TCEANC2: variants seen among roughly 807,000 people sequenced by gnomAD.
TCEANC2 encodes the protein transcription elongation factor A N-terminal and central domain-containing protein 2.
In TCEANC2, 20 loss-of-function variants were observed where a neutral mutation model predicts 22.8. The ratio of observed to expected loss-of-function variants is 0.88; its 90% CI spans 0.62 to 1.28. TCEANC2 has a LOEUF of 1.28. Among genes scored for constraint, TCEANC2 ranks in the 50% most tolerant of loss-of-function variants. TCEANC2 has a pLI of 0.00. For missense variants in TCEANC2, 251 were observed against 249.7 expected (o/e 1.01, Z -0.03); for synonymous variants, 84 against 95.5 (o/e 0.88, Z 0.70).
chr1:54,062,634 G>A (rs1026144775), intron 2 of TCEANC2, among the ~76,000 whole-genome samples: 4 of 152,198 alleles, frequency 2.6e-5, no homozygotes, highest in Admixed American at 1.3e-4. Flanking sequence ...AAGTTGCAGA[G>A]GGACGCAAAG....
intron 3 of TCEANC2, among the ~76,000 whole-genome samples, chr1:54,080,350 A>G (rs1219988524): frequency 6.6e-6 from 1 of 151,840 alleles, no homozygotes; most frequent in African/African-American, 2.4e-5. Flanking sequence ...CACCATGTTG[A>G]CCAGGCTGTT....
Position 54,099,733 on chromosome 1 carries a change from G to A in TCEANC2, c.*3260G>A, listed in dbSNP as rs994573806. 7.4e-6 allele frequency: 1 copy of A among 134,484 alleles called. No individual in the cohort carries two copies. Among genetic ancestry groups the A allele is most frequent in the East Asian group, 2.1e-4 (1 of 4,712 alleles). 8.3% of individuals were successfully genotyped at this position (134,484 alleles called of 1,614,324 possible). A position where few individuals can be genotyped will look rare whatever the true frequency, so the allele number is the denominator to read the frequency against. On this transcript the variant is annotated 3_prime_UTR_variant, in exon 5 of 5. Transcript: ENST00000234827. ...CACTCCAGCCTGGGCAACAGAGTGA[G>A]ACTCTGTCTCAAAAAAAAAAAAAAA...
chr1:54,077,541 A>T (rs1658165004), intron 3 of TCEANC2, among the ~76,000 whole-genome samples: 1 of 152,168 alleles, frequency 6.6e-6, no homozygotes, highest in South Asian at 2.1e-4. Flanking sequence ...AATGACACTG[A>T]ACTGGTTGCC....
intron 3 of TCEANC2, among the ~76,000 whole-genome samples, chr1:54,082,011 T>C (rs1278434656): frequency 6.6e-6 from 1 of 152,182 alleles, no homozygotes; most frequent in African/African-American, 2.4e-5. Flanking sequence ...CAGTCCCTAA[T>C]AACAGAGAAG....
chr1:54,069,900 A>G (rs1255467524), intron 3 of TCEANC2, among the ~76,000 whole-genome samples: 3 of 152,210 alleles, frequency 2.0e-5, no homozygotes, highest in African/African-American at 4.8e-5. Context: ...GGGAGGGCCA[A>G]CATGTGTTAC....
intron 2 of TCEANC2, among the ~76,000 whole-genome samples, chr1:54,066,820 A>G (rs1657966936): frequency 6.6e-6 from 1 of 152,228 alleles, no homozygotes; most frequent in Non-Finnish European, 1.5e-5. Flanking sequence ...TTATATTGTA[A>G]CAGATCATAG....
At chr1:54,090,103 T>G (rs1395934537) in intron 4 of TCEANC2, 1 of 574,652 alleles carries the variant, frequency 1.7e-6, no homozygotes, top group East Asian at 3.5e-5. Context: ...CAGTAATCAT[T>G]CCAGCTGGTG....
At chr1:54,110,616 AC>A (rs1658824470), downstream of TCEANC2, among the ~76,000 whole-genome samples, 1 of 152,068 alleles carries the variant, frequency 6.6e-6, no homozygotes, top group African/African-American at 2.4e-5. Flanking sequence ...ACAAAACAAA[AC>A]AAAACAAAAC....
In TCEANC2 at chr1:54,096,107, G is replaced by C. The variant is rs79883481; in HGVS notation, c.439-178G>C. On this transcript the variant is annotated intron_variant, in intron 4 of 4. Coordinates refer to ENST00000234827, the MANE Select transcript of TCEANC2 (RefSeq NM_153035.3). This position sits in a 1 kb window ranked among gnomAD's most constrained non-coding sequence, Gnocchi z 4.9. ...TCCCTGTCACAAAGCACATGGCCTT[G>C]TTCCTTAATTGCCAGGGTGGAATTA... Among the ~76,000 whole-genome samples the C allele has an allele frequency of 0.012, 1,902 of 152,254 alleles. 33 individuals are homozygous for C. The highest frequency in any genetic ancestry group is 0.044 in the African/African-American group (1,811 of 41,566).
intron 4 of TCEANC2, among the ~76,000 whole-genome samples, chr1:54,095,783 C>T (rs901684034): frequency 1.3e-5 from 2 of 152,134 alleles, no homozygotes; most frequent in Non-Finnish European, 2.9e-5. Flanking sequence ...TGAACCTTTG[C>T]CTTTGAACCT....
intron 3 of TCEANC2, among the ~76,000 whole-genome samples, chr1:54,073,493 A>G (rs1658094756): frequency 6.6e-6 from 1 of 152,112 alleles, no homozygotes; most frequent in Non-Finnish European, 1.5e-5. Context: ...AGCCCTTAGG[A>G]TAACCCCACC....
At position 54,102,193 on chromosome 1, in the gene TCEANC2, G is replaced by A. The variant is rs1658674218; in HGVS notation, c.*5720G>A. 6.6e-6 allele frequency: 1 copy of A among 152,222 alleles called. No individual in the cohort carries two copies. The highest frequency in any genetic ancestry group is 2.4e-5 in the African/African-American group (1 of 41,452). The allele number at this position is 152,222 out of a possible 1,614,324, so 9.4% of individuals were successfully genotyped here. A position where few individuals can be genotyped will look rare whatever the true frequency, so the allele number is the denominator to read the frequency against. On this transcript the variant is annotated 3_prime_UTR_variant, in exon 5 of 5. Coordinates refer to ENST00000234827, the MANE Select transcript of TCEANC2 (RefSeq NM_153035.3). ...TTGATTGGGGCCCAGAGCAGGAAAG[G>A]GCTCAGCAGAAGCTCCAGGCTACAA...
At chr1:54,091,993 C>T (rs929464761) in intron 4 of TCEANC2, among the ~76,000 whole-genome samples, 13 of 152,346 alleles carry the variant, frequency 8.5e-5, no homozygotes, top group African/African-American at 2.9e-4. Context: ...GTCAGGGGTA[C>T]GTCCCCATAT....
At chr1:54,086,045 A>G (rs1658333818) in intron 3 of TCEANC2, among the ~76,000 whole-genome samples, 1 of 152,118 alleles carries the variant, frequency 6.6e-6, no homozygotes, top group African/African-American at 2.4e-5. Flanking sequence ...ACTACTTTCT[A>G]TATTGGCATT....
chr1:54,064,107 G>A (rs962815677), intron 2 of TCEANC2, among the ~76,000 whole-genome samples: 8 of 152,164 alleles, frequency 5.3e-5, no homozygotes, highest in African/African-American at 1.9e-4. Flanking sequence ...AGAATCCCCT[G>A]TAAGGATAAA....
At chr1:54,055,207 C>T (rs983960407) in intron 2 of TCEANC2, among the ~76,000 whole-genome samples, 1 of 152,114 alleles carries the variant, frequency 6.6e-6, no homozygotes, top group Non-Finnish European at 1.5e-5. Context: ...CAAAATGATC[C>T]ACCCGCCTCT....
chr1:54,061,433 G>C (rs1422486331), intron 2 of TCEANC2, among the ~76,000 whole-genome samples: 1 of 152,196 alleles, frequency 6.6e-6, no homozygotes, highest in East Asian at 1.9e-4. Flanking sequence ...TATGGAAAAG[G>C]AGGGGCTTGT....
chr1:54,104,409 C>T lies in TCEANC2; in HGVS notation c.*7936C>T. On this transcript the variant is annotated 3_prime_UTR_variant, in exon 5 of 5. Coordinates refer to ENST00000234827, the MANE Select transcript of TCEANC2 (RefSeq NM_153035.3). Reference sequence around the variant, plus strand: ...GAGACTACTAGGCAAGAACAGTCACCATTCTTTGAGGGATAATTAATCCTG... The same window carrying T: ...GAGACTACTAGGCAAGAACAGTCACTATTCTTTGAGGGATAATTAATCCTG... 1 of 311,074 alleles carries T rather than the reference C, an allele frequency of 3.2e-6. No homozygotes were observed. The highest frequency in any genetic ancestry group is 6.5e-6 in the Non-Finnish European group (1 of 152,852). The allele number at this position is 311,074 out of a possible 1,614,324, so 19.3% of individuals were successfully genotyped here. A position where few individuals can be genotyped will look rare whatever the true frequency, so the allele number is the denominator to read the frequency against.
intron 2 of TCEANC2, among the ~76,000 whole-genome samples, chr1:54,066,657 A>G (rs1657962878): frequency 6.6e-6 from 1 of 152,262 alleles, no homozygotes; most frequent in Non-Finnish European, 1.5e-5. Context: ...TATTATTAAA[A>G]CAGATCAACC....
Sources: allele counts gnomAD v4.1 joint callset (sites outside exome capture counted in the v4.1 genomes callset), GRCh38; gene constraint gnomAD v4.1.1; non-coding constraint Gnocchi (gnomAD v3.1); transcripts MANE v1.5; gene names NCBI Gene and HGNC (gene_info 2026-07-23, HGNC 2026-07-21).